The following MRTFA variants were observed in gnomAD, a reference collection of about 807,000 sequenced individuals.
The protein encoded by MRTFA is myocardin related transcription factor A.
In MRTFA, 20 loss-of-function variants were observed where a neutral mutation model predicts 83.5. That is an observed-to-expected ratio of 0.24 (90% CI 0.17 to 0.35). The LOEUF is 0.35. Ranked by LOEUF, MRTFA falls within the 10% of genes least tolerant of loss-of-function variation. The pLI is 1.00. For missense variants in MRTFA, 1,200 were observed against 1,224.7 expected (o/e 0.98, Z 0.30); for synonymous variants, 659 against 541.2 (o/e 1.22, Z -3.02).
chr22:40,609,865 T>C (rs2056365420), intron 1 of MRTFA, among the ~76,000 whole-genome samples: 1 of 152,124 alleles, frequency 6.6e-6, no homozygotes, highest in South Asian at 2.1e-4. Flanking sequence ...TAACAGGTAT[T>C]TGAAATAATA....
At chr22:40,505,161 A>G (rs1270115127) in intron 3 of MRTFA, among the ~76,000 whole-genome samples, 2 of 152,234 alleles carry the variant, frequency 1.3e-5, no homozygotes. Context: ...TTAGTAATTT[A>G]TCATCATTGC....
At chr22:40,427,258 C>T (rs1042314258) in intron 7 of MRTFA, among the ~76,000 whole-genome samples, 11 of 152,082 alleles carry the variant, frequency 7.2e-5, no homozygotes, top group Admixed American at 3.9e-4. Context: ...GCAGGATGAA[C>T]GCCAGGGAAA....
At chr22:40,456,074 C>T (rs1480653870) in intron 4 of MRTFA, among the ~76,000 whole-genome samples, 1 of 151,996 alleles carries the variant, frequency 6.6e-6, no homozygotes, top group African/African-American at 2.4e-5. Context: ...GGATTACAGG[C>T]ATAAGCCACC....
At chr22:40,577,676 G>A (rs1004154318) in intron 2 of MRTFA, among the ~76,000 whole-genome samples, 12 of 149,084 alleles carry the variant, frequency 8.0e-5, no homozygotes, top group African/African-American at 2.5e-4. Flanking sequence ...GCAATGGTGC[G>A]ATCACCGCAA....
intron 2 of MRTFA, among the ~76,000 whole-genome samples, chr22:40,574,398 T>A (rs2055839220): frequency 6.6e-6 from 1 of 152,134 alleles, no homozygotes; most frequent in African/African-American, 2.4e-5. Context: ...CAATACAGTA[T>A]AACAACTACA....
At chr22:40,494,793 C>CTA (rs1351128599) in intron 3 of MRTFA, among the ~76,000 whole-genome samples, 1 of 152,026 alleles carries the variant, frequency 6.6e-6, no homozygotes, top group Non-Finnish European at 1.5e-5. Context: ...CTCAAAAGCA[C>CTA]TATTATGCTA....
chr22:40,481,302 G>A (rs2054086335), intron 3 of MRTFA, among the ~76,000 whole-genome samples: 1 of 152,056 alleles, frequency 6.6e-6, no homozygotes, highest in African/African-American at 2.4e-5. Context: ...TCGGCCACAG[G>A]TTCTTTTCGG....
At chr22:40,590,205 T>C (rs2056099508) in intron 2 of MRTFA, among the ~76,000 whole-genome samples, 1 of 152,182 alleles carries the variant, frequency 6.6e-6, no homozygotes, top group Non-Finnish European at 1.5e-5. Flanking sequence ...ATGGCACTTC[T>C]GTACAAGAGA....
At chr22:40,591,007 C>T (rs538991964) in intron 2 of MRTFA, among the ~76,000 whole-genome samples, 2 of 152,080 alleles carry the variant, frequency 1.3e-5, no homozygotes, top group Admixed American at 6.6e-5. Context: ...TGGTGGCACG[C>T]GCCTGTAGTC....
chr22:40,636,652 T>G lies in MRTFA; in HGVS notation c.-258A>C, dbSNP rs2056705480. On this transcript the variant is annotated 5_prime_UTR_variant, in exon 1 of 15. Transcript: ENST00000355630. ...AGGGTGGGAAAGATGGGACCGTCGC[T>G]CTCGCCGCCGCGGCCACCACAGACA... The G allele has an allele frequency of 6.6e-6, 1 of 152,276 alleles. No individual in the cohort carries two copies. The highest frequency in any genetic ancestry group is 2.1e-4 in the South Asian group (1 of 4,822). 9.4% of individuals were successfully genotyped at this position (152,276 alleles called of 1,614,324 possible).
chr22:40,625,763 A>G (rs1341747843), intron 1 of MRTFA, among the ~76,000 whole-genome samples: 1 of 152,152 alleles, frequency 6.6e-6, no homozygotes, highest in Non-Finnish European at 1.5e-5. Flanking sequence ...TGGGCAACAG[A>G]GCAAGAAGAC....
At chr22:40,499,776 G>A (rs2054424214) in intron 3 of MRTFA, among the ~76,000 whole-genome samples, 1 of 152,052 alleles carries the variant, frequency 6.6e-6, no homozygotes, top group South Asian at 2.1e-4. Context: ...TCTGTGACCT[G>A]ACACCTTAAG....
At chr22:40,587,191 C>G in intron 2 of MRTFA, 1 of 459,726 alleles carries the variant, frequency 2.2e-6, no homozygotes, top group South Asian at 1.6e-5. Context: ...ATTGCAGTTA[C>G]TCTTGAGGAA....
chr22:40,472,431 GT>G (rs1299876560), intron 3 of MRTFA, among the ~76,000 whole-genome samples: 2 of 152,110 alleles, frequency 1.3e-5, no homozygotes, highest in Admixed American at 1.3e-4. Flanking sequence ...CTCTGATACT[GT>G]TTTAAGGCAC....
chr22:40,482,238 A>T (rs896288667), intron 3 of MRTFA, among the ~76,000 whole-genome samples: 1 of 152,188 alleles, frequency 6.6e-6, no homozygotes, highest in Non-Finnish European at 1.5e-5. Flanking sequence ...GTTCAAACAC[A>T]GGTTGGCCTG....
chr22:40,473,338 T>C (rs936973702), intron 3 of MRTFA, among the ~76,000 whole-genome samples: 16 of 152,142 alleles, frequency 1.1e-4, no homozygotes, highest in Admixed American at 2.0e-4. Flanking sequence ...TTTTAAATTT[T>C]TTTGTAGAGA....
intron 1 of MRTFA, among the ~76,000 whole-genome samples, chr22:40,634,669 G>C (rs1447080525): frequency 6.6e-6 from 1 of 152,138 alleles, no homozygotes; most frequent in Non-Finnish European, 1.5e-5. Flanking sequence ...AAAACACCTG[G>C]CACGTTACAA....
At chr22:40,422,808 G>A (rs1481074721) in intron 9 of MRTFA, among the ~76,000 whole-genome samples, 2 of 152,246 alleles carry the variant, frequency 1.3e-5, no homozygotes, top group Non-Finnish European at 2.9e-5. Context: ...AGCCTCTCCT[G>A]AGGCTCAGAT....
At chr22:40,618,254 T>A (rs2056478740) in intron 1 of MRTFA, among the ~76,000 whole-genome samples, 1 of 148,818 alleles carries the variant, frequency 6.7e-6, no homozygotes, top group Non-Finnish European at 1.5e-5. Flanking sequence ...TTTTGTATTT[T>A]TTTTTTTTTT....
Sources: allele counts gnomAD v4.1 joint callset (sites outside exome capture counted in the v4.1 genomes callset), GRCh38; gene constraint gnomAD v4.1.1; transcripts MANE v1.5; gene names NCBI Gene and HGNC (gene_info 2026-07-23, HGNC 2026-07-21).